The following PPP2R5C variants were observed in gnomAD, a reference collection of about 807,000 sequenced individuals.
PPP2R5C encodes protein phosphatase 2 regulatory subunit B'gamma, also known as serine/threonine-protein phosphatase 2A 56 kDa regulatory subunit gamma isoform.
PPP2R5C carries 7 observed loss-of-function variants against 68.9 expected under a neutral mutation model. That is an observed-to-expected ratio of 0.10 (90% confidence interval 0.06 to 0.19). The LOEUF (loss-of-function observed/expected upper bound fraction) is 0.19, where lower values mean the gene tolerates loss of function less well. Among genes scored for constraint, PPP2R5C ranks in the 10% least tolerant of loss-of-function variants. The probability of loss-of-function intolerance (pLI) is 1.00; values close to 1 mark genes in which losing one functional copy is unlikely to be tolerated. For missense variants in PPP2R5C, 348 were observed against 641.3 expected (o/e 0.54, Z 4.94); for synonymous variants, 210 against 222.2 (o/e 0.95, Z 0.49).
intron 2 of PPP2R5C, among the ~76,000 whole-genome samples, chr14:101,863,170 T>C (rs1312484464): frequency 6.6e-6 from 1 of 152,042 alleles, no homozygotes; most frequent in Non-Finnish European, 1.5e-5. Context: ...TAGCTGGGTT[T>C]GGTGGCACAC....
At chr14:101,893,240 C>T (rs1430463710) in intron 7 of PPP2R5C, 132 bp downstream of exon 9, 7 of 577,494 alleles carry the variant, frequency 1.2e-5, no homozygotes, top group Admixed American at 6.7e-5. Context: ...TAACAAACTT[C>T]TGGTGATAAT....
intron 3 of PPP2R5C, among the ~76,000 whole-genome samples, chr14:101,799,742 G>A (rs1273308938): frequency 2.0e-5 from 3 of 152,136 alleles, no homozygotes; most frequent in African/African-American, 4.8e-5. Flanking sequence ...TTTGAGACAG[G>A]GAGTCAACCT....
Position 101,781,997 on chromosome 14 carries a change from T to G in PPP2R5C, c.94-4021T>G. ...TCGCCCTCTCTCTCTCCTTCCCTCA[T>G]TCCCTTCATCCTTCTCTCCCTGTGT... On this transcript the variant is annotated intron_variant, in intron 2 of 14. Transcript: ENST00000328724. This position sits in a 1 kb window ranked among gnomAD's most constrained non-coding sequence, Gnocchi z 6.4. Among the ~76,000 whole-genome samples, 2 of 148,500 alleles carry G rather than the reference T, an allele frequency of 1.3e-5. No homozygotes were observed. The highest frequency in any genetic ancestry group is 2.2e-4 in the South Asian group (1 of 4,528).
At chr14:101,892,417 T>C (rs536723093) in intron 6 of PPP2R5C, among the ~76,000 whole-genome samples, 98 of 151,156 alleles carry the variant, frequency 6.5e-4, no homozygotes, top group Non-Finnish European at 1.3e-4. Context: ...ACGTGAACTG[T>C]CCCGTCTTCC....
intron 2 of PPP2R5C, among the ~76,000 whole-genome samples, chr14:101,870,510 T>C (rs567881359): frequency 6.6e-6 from 1 of 152,384 alleles, no homozygotes; most frequent in South Asian, 2.1e-4. Context: ...CGCGTGTTTG[T>C]GTATCTCTGT....
intron 2 of PPP2R5C, among the ~76,000 whole-genome samples, chr14:101,861,257 C>G (rs1160622315): frequency 6.6e-6 from 1 of 152,154 alleles, no homozygotes; most frequent in Non-Finnish European, 1.5e-5. Flanking sequence ...AGGGTTCAAG[C>G]CTCTTAGAGC....
At chr14:101,870,654 A>C (rs1039859584) in intron 2 of PPP2R5C, among the ~76,000 whole-genome samples, 6 of 152,170 alleles carry the variant, frequency 3.9e-5, no homozygotes, top group Non-Finnish European at 8.8e-5. Context: ...TTCCATATAA[A>C]TTTTAAAATC....
chr14:101,774,766 C>A (rs188934361), intron 2 of PPP2R5C, among the ~76,000 whole-genome samples: 18 of 152,358 alleles, frequency 1.2e-4, no homozygotes, highest in Admixed American at 1.1e-3. Flanking sequence ...TCAGGGAAAT[C>A]TGTCCTGTTT....
rs532337462 is a variant in PPP2R5C at position 101,925,028 on chromosome 14, G to T, written c.1444-113G>T. On this transcript the variant is annotated intron_variant, in intron 13 of 13. Coordinates refer to ENST00000334743, the Ensembl canonical transcript of PPP2R5C. ...TCCCTGTGGCCAGGGTGCCGCCAGC[G>T]AGTGGGTGAGGCACACGTGCCTCGC... is the stretch of plus-strand genomic sequence containing the variant. 15 of 1,216,630 alleles carry T rather than the reference G, an allele frequency of 1.2e-5. No individual in the cohort carries two copies. The East Asian group carries it at 1.4e-4, about 12-fold the overall frequency. The allele number at this position is 1,216,630 out of a possible 1,614,324, so 75.4% of individuals were successfully genotyped here. A position where few individuals can be genotyped will look rare whatever the true frequency, so the allele number is the denominator to read the frequency against.
chr14:101,866,742 G>A (rs2043091480), intron 2 of PPP2R5C, among the ~76,000 whole-genome samples: 1 of 152,072 alleles, frequency 6.6e-6, no homozygotes, highest in South Asian at 2.1e-4. Flanking sequence ...GTCTTTGGGT[G>A]GTATCATTAA....
intron 1 of PPP2R5C, among the ~76,000 whole-genome samples, chr14:101,849,921 A>G (rs1220819495): frequency 6.6e-6 from 1 of 152,208 alleles, no homozygotes; most frequent in African/African-American, 2.4e-5. Context: ...TGGAACAGCA[A>G]GTCCTCCAGC....
chr14:101,831,925 G>T (rs1316831273), intron 1 of PPP2R5C: 4 of 553,768 alleles, frequency 7.2e-6, no homozygotes, highest in Non-Finnish European at 1.3e-5. Context: ...GCAATATTAT[G>T]ATACAGCTTT....
chr14:101,815,830 C>T (rs1215021794), intron 1 of PPP2R5C, among the ~76,000 whole-genome samples: 2 of 152,078 alleles, frequency 1.3e-5, no homozygotes, highest in African/African-American at 2.4e-5. Flanking sequence ...CCACCACGCC[C>T]GGCTATTTTT....
rs930859857 is a variant in PPP2R5C, at chr14:101,882,346, G to A, written c.405+75G>A. 90 of 1,189,348 alleles carry A rather than the reference G, an allele frequency of 7.6e-5. No individual in the cohort carries two copies. Among genetic ancestry groups the A allele is most frequent in the Admixed American group, 4.8e-5 (2 of 41,598 alleles). 73.7% of individuals were successfully genotyped at this position (1,189,348 alleles called of 1,614,324 possible). A position where few individuals can be genotyped will look rare whatever the true frequency, so the allele number is the denominator to read the frequency against. On this transcript the variant is annotated intron_variant, in intron 3 of 13. Coordinates refer to ENST00000334743, the Ensembl canonical transcript of PPP2R5C. The surrounding 1 kb of genome is among the most constrained non-coding windows in gnomAD (Gnocchi z 4.9). ...ATGGCCTGGGATCCACAGAGCGGGCGCACTGGTCTGGCCAGATGGACCTCT... is the reference window on the plus strand; with the variant it reads ...ATGGCCTGGGATCCACAGAGCGGGCACACTGGTCTGGCCAGATGGACCTCT...
At chr14:101,822,079 G>GCCCC (rs756270809) in intron 1 of PPP2R5C, among the ~76,000 whole-genome samples, 1 of 36,184 alleles carries the variant, frequency 2.8e-5, no homozygotes, top group African/African-American at 1.0e-4. Context: ...ACCACCCCCT[G>GCCCC]CCCCCCCCCC....
chr14:101,821,602 G>A (rs951682087), intron 1 of PPP2R5C, among the ~76,000 whole-genome samples: 3 of 151,766 alleles, frequency 2.0e-5, no homozygotes, highest in Non-Finnish European at 4.4e-5. Context: ...CCTTTTATAC[G>A]TTTTTAGGAT....
At chr14:101,858,707 A>G (rs568233210) in intron 2 of PPP2R5C, among the ~76,000 whole-genome samples, 95 of 152,118 alleles carry the variant, frequency 6.2e-4, no homozygotes, top group Non-Finnish European at 1.3e-3. Context: ...TATAAATTCT[A>G]TATTAAGTTT....
At position 101,899,917 on chromosome 14, in the gene PPP2R5C, T is replaced by C. The variant is rs528499094; in HGVS notation, c.853-1802T>C. Among the ~76,000 whole-genome samples the C allele has an allele frequency of 9.2e-5, 14 of 152,318 alleles. No individual in the cohort carries two copies. In the South Asian group the frequency reaches 2.9e-3, roughly 32 times the overall value. ...TTATTTGGCTCTTTTGGGGTTTTTG[T>C]TTGTTTGTTAGATTCTTGGAGTACA... is the stretch of plus-strand genomic sequence containing the variant. On this transcript the variant is annotated intron_variant, in intron 8 of 13. Coordinates refer to ENST00000334743, the Ensembl canonical transcript of PPP2R5C. This position sits in a 1 kb window ranked among gnomAD's most constrained non-coding sequence, Gnocchi z 4.2.
At chr14:101,912,573 C>A in intron 12 of PPP2R5C, 100 bp downstream of exon 14, 1 of 1,394,426 alleles carries the variant, frequency 7.2e-7, no homozygotes, top group South Asian at 1.9e-5. Flanking sequence ...CTCGATTTCA[C>A]TAACGTTGTA....
Sources: gnomAD v4.1 joint callset for allele counts (sites outside exome capture counted in the v4.1 genomes callset) on GRCh38, gnomAD v4.1.1 for gene constraint, Gnocchi (gnomAD v3.1) non-coding constraint, MANE v1.5 for transcripts, NCBI Gene and HGNC (gene_info 2026-07-23, HGNC 2026-07-21) for gene names.